The following NCKAP5 variants were observed in gnomAD, a reference collection of about 807,000 sequenced individuals.
NCKAP5 encodes the protein NCK associated protein 5.
NCKAP5 carries 92 observed loss-of-function variants against 167.0 expected under a neutral mutation model. The ratio of observed to expected loss-of-function variants is 0.55; its 90% CI spans 0.47 to 0.66. The LOEUF (loss-of-function observed/expected upper bound fraction) is 0.66. Among genes scored for constraint, NCKAP5 ranks in the 30% least tolerant of loss-of-function variants. The probability of loss-of-function intolerance (pLI) is 0.00; values close to 1 mark genes in which losing one functional copy is unlikely to be tolerated. For missense variants in NCKAP5, 2,378 were observed against 2,315.0 expected (o/e 1.03, Z -0.56); for synonymous variants, 891 against 877.4 (o/e 1.02, Z -0.27).
chr2:133,501,806 T>A (rs1033964029), intron 3 of NCKAP5, among the ~76,000 whole-genome samples: 1 of 152,252 alleles, frequency 6.6e-6, no homozygotes, highest in African/African-American at 2.4e-5. Context: ...GTGAATCTCA[T>A]TCAAGTGAGA....
At chr2:133,617,924 C>T in the NCKAP5 span, among the ~76,000 whole-genome samples, 1,100 of 152,112 alleles carry the variant, frequency 7.2e-3, 14 homozygotes, top group African/African-American at 0.025. Flanking sequence ...CTACAGTAAC[C>T]AACACAGCAT....
Position 132,731,721 on chromosome 2 carries a change from G to C in NCKAP5, c.5443+16C>G. 1 of 1,559,562 alleles carries C rather than the reference G, an allele frequency of 6.4e-7. No homozygotes were observed. Among genetic ancestry groups the C allele is most frequent in the Non-Finnish European group, 8.7e-7 (1 of 1,150,184 alleles). On this transcript the variant is annotated intron_variant, in intron 17 of 19. Transcript: ENST00000409261. Reference sequence around the variant, plus strand: ...TCAGCAAATGTCTTATTAAGGGTGGGAAATTGGCATTTTACCTGAGGAAGC... The same window carrying C: ...TCAGCAAATGTCTTATTAAGGGTGGCAAATTGGCATTTTACCTGAGGAAGC...
chr2:132,926,183 GGCCTCC>G, intron 8 of NCKAP5: 1 of 394,254 alleles, frequency 2.5e-6, no homozygotes, highest in South Asian at 2.0e-5. Flanking sequence ...TTAGGATAAT[GGCCTCC>G]AGTTCCATCC....
the NCKAP5 span, among the ~76,000 whole-genome samples, chr2:133,593,523 A>AT: frequency 0.012 from 1,836 of 152,130 alleles, 28 homozygotes; most frequent in African/African-American, 0.039. Flanking sequence ...TTAAAATTTT[A>AT]TTTTTTTTAA....
chr2:133,606,995 G>C, the NCKAP5 span, among the ~76,000 whole-genome samples: 12 of 152,256 alleles, frequency 7.9e-5, no homozygotes, highest in African/African-American at 2.6e-4. Context: ...ATAATAGAAA[G>C]GTTGCTGTGG....
chr2:133,569,245 C>T (rs945485774), upstream of NCKAP5, among the ~76,000 whole-genome samples: 10 of 151,980 alleles, frequency 6.6e-5, no homozygotes, highest in African/African-American at 1.5e-4. Flanking sequence ...CTCTTCTGTC[C>T]GTTGGTTCTT....
chr2:133,369,089 G>A (rs1685633129), intron 3 of NCKAP5, among the ~76,000 whole-genome samples: 1 of 143,766 alleles, frequency 7.0e-6, no homozygotes, highest in South Asian at 2.4e-4. Context: ...TTTACAGAAG[G>A]CTTTGAAACT....
chr2:133,501,350 T>G (rs1421147895), intron 3 of NCKAP5, among the ~76,000 whole-genome samples: 1 of 152,204 alleles, frequency 6.6e-6, no homozygotes, highest in Non-Finnish European at 1.5e-5. Flanking sequence ...CATACACCAA[T>G]GATCACAGCA....
intron 6 of NCKAP5, among the ~76,000 whole-genome samples, chr2:133,012,520 T>C (rs1177267186): frequency 6.6e-6 from 1 of 152,194 alleles, no homozygotes; most frequent in Non-Finnish European, 1.5e-5. Context: ...AGTGCTGGGA[T>C]TACAGGCGTG....
chr2:132,796,461 A>G (rs1426190989), intron 12 of NCKAP5, among the ~76,000 whole-genome samples, 167 bp downstream of exon 12: 1 of 152,168 alleles, frequency 6.6e-6, no homozygotes, highest in East Asian at 1.9e-4. Flanking sequence ...TTACTATATC[A>G]GCTGGGGGAC....
At chr2:132,732,574 C>T (rs924148033) in intron 16 of NCKAP5, among the ~76,000 whole-genome samples, 60 of 152,280 alleles carry the variant, frequency 3.9e-4, no homozygotes, top group African/African-American at 1.4e-3. Context: ...CAGCCTGTTA[C>T]AAGCAGCAAT....
intron 4 of NCKAP5, among the ~76,000 whole-genome samples, chr2:133,224,625 T>C (rs2086803103): frequency 6.6e-6 from 1 of 152,212 alleles, no homozygotes; most frequent in Admixed American, 6.5e-5. Flanking sequence ...TAGAATAATA[T>C]ATGCTTTCAT....
rs142099117 is a variant in NCKAP5, at chr2:133,378,324, T to C, written c.70-75214A>G. Among the ~76,000 whole-genome samples, 306 of 152,258 alleles carry C rather than the reference T, an allele frequency of 2.0e-3. 2 individuals carry two copies. Among genetic ancestry groups the C allele is most frequent in the African/African-American group, 7.1e-3 (295 of 41,552 alleles). ...TGGAATGAAAAAAAACTTCTAAGGC[T>C]AACTCTGAAAAAAACGTATATATGA... On this transcript the variant is annotated intron_variant, in intron 3 of 19. Transcript: ENST00000409261.
intron 11 of NCKAP5, among the ~76,000 whole-genome samples, chr2:132,858,527 G>C (rs1410968441): frequency 6.6e-6 from 1 of 152,140 alleles, no homozygotes; most frequent in Non-Finnish European, 1.5e-5. Context: ...AAAGCCATGA[G>C]TGAAATAATT....
intron 6 of NCKAP5, among the ~76,000 whole-genome samples, chr2:133,052,610 C>T (rs2079643980): frequency 6.6e-6 from 1 of 151,354 alleles, no homozygotes; most frequent in Non-Finnish European, 1.5e-5. Flanking sequence ...CCCAGATACC[C>T]AAGAGACTCA....
chr2:132,965,720 G>A (rs1264072837), intron 7 of NCKAP5, among the ~76,000 whole-genome samples: 1 of 152,060 alleles, frequency 6.6e-6, no homozygotes, highest in East Asian at 1.9e-4. Flanking sequence ...TACACACCCA[G>A]GCTATATGGT....
intron 15 of NCKAP5, among the ~76,000 whole-genome samples, chr2:132,775,792 A>C (rs2104975414): frequency 6.6e-6 from 1 of 152,282 alleles, no homozygotes; most frequent in Middle Eastern, 3.4e-3. Flanking sequence ...ACAACAAGGA[A>C]ATCATATTTT....
intron 5 of NCKAP5, among the ~76,000 whole-genome samples, chr2:133,189,112 G>A (rs138907781): frequency 0.026 from 3,958 of 152,038 alleles, 151 homozygotes; most frequent in African/African-American, 0.089. Flanking sequence ...TATCATCACC[G>A]ATCCCACAGA....
chr2:133,308,238 G>A (rs1387311916), intron 3 of NCKAP5, among the ~76,000 whole-genome samples: 3 of 151,538 alleles, frequency 2.0e-5, no homozygotes, highest in East Asian at 1.9e-4. Flanking sequence ...ACAGGCGCCC[G>A]CCACCACGCC....
Sources: gnomAD v4.1 joint callset for allele counts (sites outside exome capture counted in the v4.1 genomes callset) on GRCh38, gnomAD v4.1.1 for gene constraint, MANE v1.5 for transcripts, NCBI Gene and HGNC (gene_info 2026-07-23, HGNC 2026-07-21) for gene names.